The following HSCB variants were observed in gnomAD, a reference collection of about 807,000 sequenced individuals.
The protein encoded by HSCB is iron-sulfur cluster co-chaperone protein HscB.
In HSCB, 23 loss-of-function variants were observed where a neutral mutation model predicts 31.3. The observed-to-expected ratio is 0.74, with a 90% confidence interval of 0.53 to 1.04. The LOEUF (loss-of-function observed/expected upper bound fraction) is 1.04, where lower values mean the gene tolerates loss of function less well. Among genes scored for constraint, HSCB ranks in the 50% least tolerant of loss-of-function variants. The pLI, the probability that HSCB is intolerant of heterozygous loss-of-function variation, is 0.00. For missense variants in HSCB, 297 were observed against 288.1 expected, an observed-to-expected ratio of 1.03 and a Z score of -0.22; for synonymous variants, 110 against 104.5, an observed-to-expected ratio of 1.05 and a Z score of -0.32.
intron 3 of HSCB, 72 bp downstream of exon 3, chr22:28,744,776 C>CT (rs1481266260): frequency 9.3e-6 from 11 of 1,178,150 alleles, no homozygotes; most frequent in Non-Finnish European, 1.3e-5. Context: ...GCCACGTCCC[C>CT]TTTATTCAGC....
Position 28,742,664 on chromosome 22 carries a change from C to T in HSCB, c.236+333C>T, listed in dbSNP as rs1601382314. On this transcript the variant is annotated intron_variant, in intron 1 of 5. Coordinates refer to ENST00000216027, the MANE Select transcript of HSCB (RefSeq NM_172002.5). ...GGAAAGGGAAGGAGAAGTCGAGGGG[C>T]GGAACTTGAGGAAAGGGTACTTGAG... 6 of 368,742 alleles carry T rather than the reference C, an allele frequency of 1.6e-5. No individual in the cohort carries two copies. The East Asian group carries it at 2.9e-4, about 18-fold the overall frequency. 22.8% of individuals were successfully genotyped at this position (368,742 alleles called of 1,614,324 possible). A position where few individuals can be genotyped will look rare whatever the true frequency, so the allele number is the denominator to read the frequency against.
In HSCB at chr22:28,749,349, G is replaced by A. The variant is rs188018652; in HGVS notation, c.569-1892G>A. ...TCTGCCTGAAACCCTCCTCTCCTCCGCCCCATTTAAGTTAACCCCTCCTTC... is the reference window on the plus strand; with the variant it reads ...TCTGCCTGAAACCCTCCTCTCCTCCACCCCATTTAAGTTAACCCCTCCTTC... On this transcript the variant is annotated intron_variant, in intron 4 of 5. Transcript: ENST00000216027. 1.9e-4 allele frequency among the ~76,000 whole-genome samples: 29 copies of A among 151,952 alleles called. 1 individual carries two copies. The highest frequency in any genetic ancestry group is 6.8e-4 in the African/African-American group (28 of 41,442).
At chr22:28,746,165 G>A (rs1569184379) in intron 4 of HSCB, among the ~76,000 whole-genome samples, 157 bp downstream of exon 4, 1 of 152,098 alleles carries the variant, frequency 6.6e-6, no homozygotes, top group African/African-American at 2.4e-5. Context: ...TGGATCACCT[G>A]AGGTCAGGAG....
chr22:28,748,028 A>G (rs1187136602), intron 4 of HSCB, among the ~76,000 whole-genome samples: 1 of 152,176 alleles, frequency 6.6e-6, no homozygotes, highest in Non-Finnish European at 1.5e-5. Flanking sequence ...TACTAAAAAT[A>G]TAAAAAATTA....
At position 28,743,915 on chromosome 22, in the gene HSCB, C is replaced by T. The variant is rs769122374; in HGVS notation, c.270C>T (p.Leu90=). Residue 90 remains leucine (L), a synonymous_variant, in exon 2 of 6, where the codon CTC becomes CTT. Transcript: ENST00000216027. The part of the protein sequence containing the change: ...NRSFRVDTAK[L]QHRYQQLQRL... Reference sequence around the variant, plus strand: ...CCTTCAGAGTTGATACAGCGAAGCTCCAGCACAGGTACCAGCAACTGCAGC... The same window carrying T: ...CCTTCAGAGTTGATACAGCGAAGCTTCAGCACAGGTACCAGCAACTGCAGC... The T allele has an allele frequency of 6.2e-7, 1 of 1,614,190 alleles. No homozygotes were observed. Among genetic ancestry groups the T allele is most frequent in the East Asian group, 2.2e-5 (1 of 44,890 alleles).
At position 28,756,040 on chromosome 22, in the gene HSCB, G is replaced by A. The variant is rs953487716; in HGVS notation, c.617-1038G>A. On this transcript the variant is annotated intron_variant, in intron 5 of 5. Transcript: ENST00000216027. Reference sequence around the variant, plus strand: ...GCAGGCGGATCACTTGAGATCAGGAGTTTGAGAGCAGCCATGGCCAACATG... The same window carrying A: ...GCAGGCGGATCACTTGAGATCAGGAATTTGAGAGCAGCCATGGCCAACATG... 2.9e-4 allele frequency among the ~76,000 whole-genome samples: 44 copies of A among 152,094 alleles called. No homozygotes were observed. The Middle Eastern group carries it at 0.014, about 47-fold the overall frequency.
At chr22:28,756,588 C>G (rs997146732) in intron 5 of HSCB, among the ~76,000 whole-genome samples, 8 of 152,126 alleles carry the variant, frequency 5.3e-5, no homozygotes, top group African/African-American at 1.9e-4. Context: ...CCCACCTCAG[C>G]CTCCCGAGTG....
intron 3 of HSCB, 57 bp downstream of exon 3, chr22:28,744,761 G>A (rs2054656599): frequency 3.9e-6 from 5 of 1,289,286 alleles, no homozygotes; most frequent in Non-Finnish European, 5.7e-6. Flanking sequence ...TTATGGCGTA[G>A]GACAGCCACG....
At chr22:28,756,085 A>G (rs2030578650) in intron 5 of HSCB, among the ~76,000 whole-genome samples, 1 of 151,726 alleles carries the variant, frequency 6.6e-6, no homozygotes, top group Admixed American at 6.6e-5. Flanking sequence ...TGCCTCTACT[A>G]AAAATGCAAA....
intron 4 of HSCB, among the ~76,000 whole-genome samples, chr22:28,746,400 A>AAAAAAAAG (rs1450010883): frequency 7.3e-5 from 11 of 150,590 alleles, no homozygotes; most frequent in African/African-American, 2.7e-4. Flanking sequence ...AAAAAAAAAA[A>AAAAAAAAG]AAGGTTATTT....
chr22:28,757,103 T>G lies in HSCB; in HGVS notation c.642T>G (p.Ile214Met), dbSNP rs772550027. 1.9e-6 allele frequency: 3 copies of G among 1,571,018 alleles called. No homozygotes were observed. The South Asian group carries it at 3.3e-5, about 17-fold the overall frequency. Residue 214 changes from isoleucine to methionine, a missense_variant, in exon 6 of 6, where the codon ATT becomes ATG. Ile to Met is a conservative substitution (Grantham distance 10, BLOSUM62 1). Coordinates refer to ENST00000216027, the MANE Select transcript of HSCB (RefSeq NM_172002.5). Reference protein sequence around the residue: ...EQDDFEEAKEILTKMRYFSNI... With the variant: ...EQDDFEEAKEMLTKMRYFSNI... ...ATGACTTTGAAGAAGCCAAGGAAATTTTGACAAAGATGAGATACTTTTCAA... is the reference window on the plus strand; with the variant it reads ...ATGACTTTGAAGAAGCCAAGGAAATGTTGACAAAGATGAGATACTTTTCAA...
At chr22:28,756,171 C>T (rs1369697055) in intron 5 of HSCB, among the ~76,000 whole-genome samples, 1 of 151,844 alleles carries the variant, frequency 6.6e-6, no homozygotes, top group Non-Finnish European at 1.5e-5. Flanking sequence ...TTGGTTGAAC[C>T]CGGGAGGTGG....
intron 5 of HSCB, among the ~76,000 whole-genome samples, chr22:28,752,354 C>T (rs1288959409): frequency 1.3e-5 from 2 of 149,916 alleles, no homozygotes; most frequent in Non-Finnish European, 3.0e-5. Context: ...TCGTTTGAAC[C>T]TGGGAGGCGG....
intron 5 of HSCB, among the ~76,000 whole-genome samples, chr22:28,755,326 C>G (rs961109636): frequency 6.6e-6 from 1 of 151,786 alleles, no homozygotes; most frequent in East Asian, 2.0e-4. Context: ...AGGAGAATGG[C>G]GTGAACCGGG....
chr22:28,742,510 G>A (rs558257090), intron 1 of HSCB, 179 bp downstream of exon 1: 5 of 1,147,994 alleles, frequency 4.4e-6, no homozygotes, highest in East Asian at 2.6e-5. Flanking sequence ...TGAGAGGCGG[G>A]GACTGAGGGA....
rs1429464891 is a variant in HSCB at position 28,757,256 on chromosome 22, G to T, written c.*87G>T. ...AATCCCAGCACTTTGGGAGGCTGAG[G>T]TGGGTGGATGACAAGGTCAGGAGTT... On this transcript the variant is annotated 3_prime_UTR_variant, in exon 6 of 6. Coordinates refer to ENST00000216027, the MANE Select transcript of HSCB (RefSeq NM_172002.5). 1.5e-6 allele frequency: 1 copy of T among 667,726 alleles called. No individual in the cohort carries two copies. Among genetic ancestry groups the T allele is most frequent in the African/African-American group, 1.8e-5 (1 of 54,788 alleles). 41.4% of individuals were successfully genotyped at this position (667,726 alleles called of 1,614,324 possible). A position where few individuals can be genotyped will look rare whatever the true frequency, so the allele number is the denominator to read the frequency against.
intron 5 of HSCB, among the ~76,000 whole-genome samples, chr22:28,752,216 G>A (rs1301346033): frequency 6.6e-6 from 1 of 151,842 alleles, no homozygotes; most frequent in Non-Finnish European, 1.5e-5. Flanking sequence ...GGCCGAGGCG[G>A]GTGGATCAAG....
rs554298420 is a variant in HSCB at position 28,754,264 on chromosome 22, T to C, written c.617-2814T>C. ...TTCCACTTATATGAGGTACCTGTGG[T>C]AGTCAGATTCATAGAGAAAGTGGAA... On this transcript the variant is annotated intron_variant, in intron 5 of 5. Transcript: ENST00000216027. 2.6e-5 allele frequency among the ~76,000 whole-genome samples: 4 copies of C among 152,234 alleles called. No individual in the cohort carries two copies. In the South Asian group the frequency reaches 6.2e-4, roughly 24 times the overall value.
chr22:28,756,745 C>T (rs2030625198), intron 5 of HSCB, among the ~76,000 whole-genome samples: 1 of 152,114 alleles, frequency 6.6e-6, no homozygotes. Context: ...CCTCCCGCCT[C>T]AGCCTCCCAA....
Sources: gnomAD v4.1 joint callset for allele counts (sites outside exome capture counted in the v4.1 genomes callset) on GRCh38, gnomAD v4.1.1 for gene constraint, MANE v1.5 for transcripts, NCBI Gene and HGNC (gene_info 2026-07-23, HGNC 2026-07-21) for gene names.